The following CCDC187 variants were observed in gnomAD, a reference collection of about 807,000 sequenced individuals.
CCDC187 encodes the protein coiled-coil domain containing 187.
Under a neutral mutation model 38.0 loss-of-function variants are expected in CCDC187, and 32 were observed. That is an observed-to-expected ratio of 0.84 (90% CI 0.64 to 1.13). CCDC187 has a LOEUF of 1.13. Among genes scored for constraint, CCDC187 ranks in the 50% most tolerant of loss-of-function variants. The pLI is 0.00. For missense variants in CCDC187, 707 were observed against 786.8 expected, an observed-to-expected ratio of 0.90 and a Z score of 1.21; for synonymous variants, 333 against 347.9, an observed-to-expected ratio of 0.96 and a Z score of 0.48.
chr9:136,269,548 T>C (rs1237996994), intron 14 of CCDC187, among the ~76,000 whole-genome samples: 2 of 152,168 alleles, frequency 1.3e-5, no homozygotes, highest in Non-Finnish European at 2.9e-5. Context: ...CTCGGGAGGC[T>C]GAGGCAGGGG....
At chr9:136,267,704 G>T in intron 15 of CCDC187, 193 bp from the exon 16 acceptor site, 1 of 909,906 alleles carries the variant, frequency 1.1e-6, no homozygotes, top group Non-Finnish European at 1.3e-6. Context: ...TTCCCCGACT[G>T]TGAGCTGGCG....
chr9:136,284,625 G>T (rs1159906752), intron 9 of CCDC187, among the ~76,000 whole-genome samples: 1 of 152,034 alleles, frequency 6.6e-6, no homozygotes, highest in Non-Finnish European at 1.5e-5. Context: ...GGCACTGCTG[G>T]CCAGGAGGCC....
At chr9:136,285,249 C>T (rs1336952655) in intron 9 of CCDC187, among the ~76,000 whole-genome samples, 1 of 152,076 alleles carries the variant, frequency 6.6e-6, no homozygotes, top group Non-Finnish European at 1.5e-5. Flanking sequence ...GTGGCGTCCC[C>T]GAGGCCCGCA....
chr9:136,291,578 G>A lies in CCDC187; in HGVS notation c.1035C>T (p.Ser345=), dbSNP rs890483460. ...PVCAQLPDAT[S]AYSDQQVSGN... is the part of the protein sequence containing the mutation. The stretch of plus-strand genomic sequence containing the variant: ...CAGACACCTGCTGGTCACTGTAGGC[G>A]GAGGTGGCATCGGGCAACTGGGCAC... Residue 345 remains serine (S), a synonymous_variant, in exon 6 of 26, where the codon TCC becomes TCT. Transcript: ENST00000638797. 1.2e-4 allele frequency: 47 copies of A among 398,696 alleles called. No individual in the cohort carries two copies. Among genetic ancestry groups the A allele is most frequent in the African/African-American group, 8.6e-4 (42 of 48,646 alleles). The allele number at this position is 398,696 out of a possible 1,614,324, so 24.7% of individuals were successfully genotyped here. A position where few individuals can be genotyped will look rare whatever the true frequency, so the allele number is the denominator to read the frequency against.
At chr9:136,281,426 C>T (rs932874880) in intron 10 of CCDC187, 125 bp downstream of exon 10, 8 of 398,382 alleles carry the variant, frequency 2.0e-5, no homozygotes, top group African/African-American at 1.0e-4. Context: ...ATGCTCTCCA[C>T]GTGGAAAAGG....
rs543972652 is a variant in CCDC187 at position 136,270,377 on chromosome 9, A to G, written c.3443-2252T>C. 2.4e-3 allele frequency among the ~76,000 whole-genome samples: 358 copies of G among 150,184 alleles called. 2 individuals carry two copies. The highest frequency in any genetic ancestry group is 3.1e-3 in the Non-Finnish European group (208 of 67,140). ...GTCGTCCAAGTGATTAAAAAGGTCAAGCAAGTCACGTGATCATAGGACAGG... is the reference window on the plus strand; with the variant it reads ...GTCGTCCAAGTGATTAAAAAGGTCAGGCAAGTCACGTGATCATAGGACAGG... On this transcript the variant is annotated intron_variant, in intron 14 of 25. Coordinates refer to ENST00000638797, the MANE Select transcript of CCDC187 (RefSeq NM_001378188.1).
Position 136,268,067 on chromosome 9 carries a change from C to G in CCDC187, c.3501G>C (p.Pro1167=). The G allele has an allele frequency of 1.0e-6, 1 of 985,502 alleles. No individual in the cohort carries two copies. 61.0% of individuals were successfully genotyped at this position (985,502 alleles called of 1,614,324 possible). Reference sequence around the variant, plus strand: ...CACGTACCTGGTGGGTGGGGTTGTCCGGAGGGAAGAACTTGGCCAGGGGAA... The same window carrying G: ...CACGTACCTGGTGGGTGGGGTTGTCGGGAGGGAAGAACTTGGCCAGGGGAA... ...SQLPLAKFFP[P]DNPTHQMLER... Residue 1167 remains proline (P), a synonymous_variant, in exon 15 of 26, where the codon CCG becomes CCC. Transcript: ENST00000638797.
Position 136,258,218 on chromosome 9 carries a change from G to A in CCDC187, c.4366+714C>T, listed in dbSNP as rs1250588253. 6.6e-6 allele frequency among the ~76,000 whole-genome samples: 1 copy of A among 152,152 alleles called. No individual in the cohort carries two copies. Among genetic ancestry groups the A allele is most frequent in the Admixed American group, 6.5e-5 (1 of 15,278 alleles). On this transcript the variant is annotated intron_variant, in intron 22 of 25. Transcript: ENST00000638797. The surrounding 1 kb of genome is among the most constrained non-coding windows in gnomAD (Gnocchi z 4.3). ...GGAGCCCCACCAGCCACGCTCTCCTGGGCAGCCCCACAAGTGCTTCTGATC... is the reference window on the plus strand; with the variant it reads ...GGAGCCCCACCAGCCACGCTCTCCTAGGCAGCCCCACAAGTGCTTCTGATC...
Position 136,259,116 on chromosome 9 carries a change from A to G in CCDC187, c.4297-115T>C, listed in dbSNP as rs1387188446. The G allele has an allele frequency of 3.5e-6, 3 of 847,338 alleles. No homozygotes were observed. In the East Asian group the frequency reaches 3.7e-4, roughly 104 times the overall value. 52.5% of individuals were successfully genotyped at this position (847,338 alleles called of 1,614,324 possible). On this transcript the variant is annotated intron_variant, in intron 21 of 25. Transcript: ENST00000638797. Reference sequence around the variant, plus strand: ...TGGGGACAGACTGGGGTGGATGGGGACAGCCGGGGGCGGACAGGGACAGAT... The same window carrying G: ...TGGGGACAGACTGGGGTGGATGGGGGCAGCCGGGGGCGGACAGGGACAGAT...
intron 3 of CCDC187, among the ~76,000 whole-genome samples, chr9:136,299,558 A>G (rs2131357062): frequency 6.6e-6 from 1 of 152,312 alleles, no homozygotes; most frequent in African/African-American, 2.4e-5. Flanking sequence ...CCAGCAGCAG[A>G]GTGAGCCTGC....
rs1830552386 is a variant in CCDC187 at position 136,252,181 on chromosome 9, G to GGA, written c.*1412_*1413insTC. On this transcript the variant is annotated 3_prime_UTR_variant, in exon 26 of 26. Coordinates refer to ENST00000638797, the MANE Select transcript of CCDC187 (RefSeq NM_001378188.1). ...CGGCCGCCCACCCGGTCCACCCCGGGAAGAGCCGGCCGCCCACCCGGCCCA... is the reference window on the plus strand; with the variant it reads ...CGGCCGCCCACCCGGTCCACCCCGGGGAAAGAGCCGGCCGCCCACCCGGCCCA... 1.2e-5 allele frequency: 1 copy of GGA among 81,552 alleles called. No individual in the cohort carries two copies. The highest frequency in any genetic ancestry group is 3.2e-5 in the Non-Finnish European group (1 of 31,654). 5.1% of individuals were successfully genotyped at this position (81,552 alleles called of 1,614,324 possible).
Position 136,253,532 on chromosome 9 carries a change from C to T in CCDC187, c.*62G>A, listed in dbSNP as rs1830574314. 1 of 908,004 alleles carries T rather than the reference C, an allele frequency of 1.1e-6. No individual in the cohort carries two copies. The allele number at this position is 908,004 out of a possible 1,614,324, so 56.2% of individuals were successfully genotyped here. A position where few individuals can be genotyped will look rare whatever the true frequency, so the allele number is the denominator to read the frequency against. ...GGCCTCATCCCCTGCTGCAGAACTG[C>T]ATCTACCCAACTGGTCGTCAACGCT... On this transcript the variant is annotated 3_prime_UTR_variant, in exon 26 of 26. Transcript: ENST00000638797.
chr9:136,259,037 C>T, intron 21 of CCDC187, 36 bp from the exon 22 acceptor site: 1 of 986,066 alleles, frequency 1.0e-6, no homozygotes, highest in Non-Finnish European at 1.2e-6. Flanking sequence ...TGGCACAGGG[C>T]CCTGAAGGGA....
At chr9:136,296,411 G>T (rs1454740914) in intron 4 of CCDC187, 1 of 152,296 alleles carries the variant, frequency 6.6e-6, no homozygotes, top group Non-Finnish European at 1.5e-5. Flanking sequence ...CGTGGCCCCA[G>T]GTGCACACGG....
At chr9:136,256,155 G>T in intron 24 of CCDC187, 56 bp downstream of exon 24, 1 of 916,202 alleles carries the variant, frequency 1.1e-6, no homozygotes, top group Non-Finnish European at 1.3e-6. Flanking sequence ...GGTACCGGCT[G>T]AACCCGTCTC....
chr9:136,284,329 G>A (rs947137536), intron 9 of CCDC187, among the ~76,000 whole-genome samples: 18 of 152,296 alleles, frequency 1.2e-4, no homozygotes, highest in African/African-American at 4.1e-4. Flanking sequence ...AGGCCCTGAT[G>A]TCTGGGGAGC....
chr9:136,299,140 G>A (rs1487031614), intron 3 of CCDC187, among the ~76,000 whole-genome samples: 5 of 152,166 alleles, frequency 3.3e-5, no homozygotes, highest in Admixed American at 6.5e-5. Flanking sequence ...GAACAAAGTG[G>A]CGCTGACCAC....
chr9:136,273,564 C>T (rs548027145), intron 14 of CCDC187, among the ~76,000 whole-genome samples: 5 of 152,156 alleles, frequency 3.3e-5, no homozygotes, highest in East Asian at 1.9e-4. Flanking sequence ...CAAATTGCAA[C>T]GTGATATTTC....
rs1293785333 is a variant in CCDC187 at position 136,257,745 on chromosome 9, G to A, written c.4367-904C>T. The stretch of plus-strand genomic sequence containing the variant: ...GAGCTGTTTGTCTAAAGCCCAAGGA[G>A]GGGGAAGCTCCATCAGTGGGAACAC... On this transcript the variant is annotated intron_variant, in intron 22 of 25. Transcript: ENST00000638797. The surrounding 1 kb of genome is among the most constrained non-coding windows in gnomAD (Gnocchi z 4.5). Among the ~76,000 whole-genome samples, 3 of 152,248 alleles carry A rather than the reference G, an allele frequency of 2.0e-5. No homozygotes were observed. Among genetic ancestry groups the A allele is most frequent in the Non-Finnish European group, 2.9e-5 (2 of 68,038 alleles).
Sources: gnomAD v4.1 joint callset for allele counts (sites outside exome capture counted in the v4.1 genomes callset) on GRCh38, gnomAD v4.1.1 for gene constraint, Gnocchi (gnomAD v3.1) non-coding constraint, MANE v1.5 for transcripts, NCBI Gene and HGNC (gene_info 2026-07-23, HGNC 2026-07-21) for gene names.